CDKN1B: variants seen among roughly 807,000 people sequenced by gnomAD.
The protein encoded by CDKN1B is cyclin dependent kinase inhibitor 1B.
CDKN1B carries 7 observed loss-of-function variants against 17.1 expected under a neutral mutation model. That is an observed-to-expected ratio of 0.41 (90% CI 0.23 to 0.77). CDKN1B has a LOEUF of 0.77. Ranked by LOEUF, CDKN1B falls within the 30% of genes least tolerant of loss-of-function variation. CDKN1B has a pLI of 0.33. For synonymous variants in CDKN1B, 149 were observed against 104.3 expected, an observed-to-expected ratio of 1.43 and a Z score of -2.61; for missense variants, 337 against 262.0, an observed-to-expected ratio of 1.29 and a Z score of -1.98.
chr12:12,717,591 C>G lies in CDKN1B; in HGVS notation c.-249C>G, dbSNP rs1417873398. On this transcript the variant is annotated 5_prime_UTR_variant, in exon 1 of 3. Transcript: ENST00000228872. ...ACCCTCTCCGCTTGCCTGGTCCCCT[C>G]TCCTCTCCGCCCTCCCGCTCGCCAG... The G allele has an allele frequency of 1.4e-6, 2 of 1,432,292 alleles. No homozygotes were observed. Among genetic ancestry groups the G allele is most frequent in the Non-Finnish European group, 1.8e-6 (2 of 1,099,210 alleles). 88.7% of individuals were successfully genotyped at this position (1,432,292 alleles called of 1,614,324 possible).
rs1239715599 is a variant in CDKN1B at position 12,721,431 on chromosome 12, T to G, written c.*404T>G. 2.7e-6 allele frequency: 1 copy of G among 373,592 alleles called. No individual in the cohort carries two copies. Among genetic ancestry groups the G allele is most frequent in the African/African-American group, 2.1e-5 (1 of 48,126 alleles). The allele number at this position is 373,592 out of a possible 1,614,324, so 23.1% of individuals were successfully genotyped here. A position where few individuals can be genotyped will look rare whatever the true frequency, so the allele number is the denominator to read the frequency against. On this transcript the variant is annotated 3_prime_UTR_variant, in exon 3 of 3. Coordinates refer to ENST00000228872, the MANE Select transcript of CDKN1B (RefSeq NM_004064.5). ...TTTGACTTGCATGAAGAGAAGCAAT[T>G]TTGGGGAAGGGTTTGAATTGTTTTC...
rs2136355548 is a variant in CDKN1B, at chr12:12,717,941, C to T, written c.102C>T (p.Gly34=). 4 of 1,614,230 alleles carry T rather than the reference C, an allele frequency of 2.5e-6. No individual in the cohort carries two copies. Among genetic ancestry groups the T allele is most frequent in the Non-Finnish European group, 3.4e-6 (4 of 1,180,042 alleles). ...CCTCGGCCTGCAGGAACCTCTTCGG[C>T]CCGGTGGACCACGAAGAGTTAACCC... ...PKPSACRNLF[G]PVDHEELTRD... The change falls in exon 1 of 3, where the codon GGC becomes GGT. Residue 34 remains glycine (G), a synonymous_variant. Transcript: ENST00000228872.
Position 12,717,792 on chromosome 12 carries a change from G to T in CDKN1B, c.-48G>T, listed in dbSNP as rs750482284. The T allele has an allele frequency of 4.4e-6, 7 of 1,605,996 alleles. No individual in the cohort carries two copies. Among genetic ancestry groups the T allele is most frequent in the South Asian group, 1.1e-5 (1 of 90,912 alleles). ...GGGGCGCTTTGTTTTGTTCGGTTTT[G>T]TTTTTTTGAGAGTGCGAGAGAGGCG... is the stretch of plus-strand genomic sequence containing the variant. On this transcript the variant is annotated 5_prime_UTR_variant, in exon 1 of 3. Coordinates refer to ENST00000228872, the MANE Select transcript of CDKN1B (RefSeq NM_004064.5).
At position 12,717,665 on chromosome 12, in the gene CDKN1B, G is replaced by T. The variant is rs1396254378; in HGVS notation, c.-175G>T. ...GCGGCCGGGCCGGGGCTTCCCCGCA[G>T]CCCCTGCGCGCTCCTAGAGCTCGGG... On this transcript the variant is annotated 5_prime_UTR_variant, in exon 1 of 3. Transcript: ENST00000228872. 6 of 1,498,454 alleles carry T rather than the reference G, an allele frequency of 4.0e-6. No individual in the cohort carries two copies. In the African/African-American group the frequency reaches 8.4e-5, roughly 21 times the overall value. 92.8% of individuals were successfully genotyped at this position (1,498,454 alleles called of 1,614,324 possible). A position where few individuals can be genotyped will look rare whatever the true frequency, so the allele number is the denominator to read the frequency against.
Position 12,718,326 on chromosome 12 carries a change from T to A in CDKN1B, c.475+12T>A, listed in dbSNP as rs1565419710. 1.3e-6 allele frequency: 2 copies of A among 1,598,176 alleles called. No homozygotes were observed. The highest frequency in any genetic ancestry group is 4.5e-5 in the East Asian group (2 of 44,830). On this transcript the variant is annotated intron_variant, in intron 1 of 2. Transcript: ENST00000228872. ...ACCTGCAACCGACGGTAATGACCCT[T>A]TCCCAACCATAGAATGTGTTTGGGG... is the stretch of plus-strand genomic sequence containing the variant.
intron 1 of CDKN1B, 26 bp downstream of exon 1, chr12:12,718,340 A>C (rs1052112512): frequency 6.3e-7 from 1 of 1,588,590 alleles, no homozygotes; most frequent in Non-Finnish European, 8.5e-7. Context: ...CAACCATAGA[A>C]TGTGTTTGGG....
At chr12:12,718,608 C>T (rs550527977) in intron 1 of CDKN1B, among the ~76,000 whole-genome samples, 1 of 152,296 alleles carries the variant, frequency 6.6e-6, no homozygotes, top group East Asian at 1.9e-4. Flanking sequence ...GGTCCGCCTC[C>T]TGGCTAGGGA....
At position 12,721,360 on chromosome 12, in the gene CDKN1B, G is replaced by C. The variant is rs1279776750; in HGVS notation, c.*333G>C. Reference sequence around the variant, plus strand: ...GGTGGGGCTGAGGAACTGACGTGGAGCGGGGTATGAAGAGCTTGCTTTGAT... The same window carrying C: ...GGTGGGGCTGAGGAACTGACGTGGACCGGGGTATGAAGAGCTTGCTTTGAT... On this transcript the variant is annotated 3_prime_UTR_variant, in exon 3 of 3. Coordinates refer to ENST00000228872, the MANE Select transcript of CDKN1B (RefSeq NM_004064.5). 3 of 460,456 alleles carry C rather than the reference G, an allele frequency of 6.5e-6. No individual in the cohort carries two copies. The highest frequency in any genetic ancestry group is 5.1e-5 in the South Asian group (1 of 19,452). 28.5% of individuals were successfully genotyped at this position (460,456 alleles called of 1,614,324 possible).
rs543122580 is a variant in CDKN1B, at chr12:12,717,994, T to G, written c.155T>G (p.Met52Arg). The G allele has an allele frequency of 5.7e-5, 92 of 1,614,076 alleles. No individual in the cohort carries two copies. The African/African-American group carries it at 1.1e-3, about 19-fold the overall frequency. ...TRDLEKHCRD[M>R]EEASQRKWNF... ...GACTTGGAGAAGCACTGCAGAGACA[T>G]GGAAGAGGCGAGCCAGCGCAAGTGG... The change falls in exon 1 of 3, where the codon ATG (methionine) becomes AGG (arginine). Residue 52 changes from methionine to arginine, a missense_variant. Transcript: ENST00000228872.
chr12:12,718,479 G>C (rs1173696363), intron 1 of CDKN1B, among the ~76,000 whole-genome samples, 165 bp downstream of exon 1: 1 of 152,124 alleles, frequency 6.6e-6, no homozygotes, highest in Non-Finnish European at 1.5e-5. Context: ...TTGTCTGTTT[G>C]TGACTTTTAA....
chr12:12,719,509 T>A (rs1002106899), intron 2 of CDKN1B: 6 of 153,124 alleles, frequency 3.9e-5, no homozygotes, highest in African/African-American at 1.4e-4. Flanking sequence ...TCACTTTCCC[T>A]GTTGTCTCCT....
Position 12,721,910 on chromosome 12 carries a change from C to A in CDKN1B, c.*883C>A, listed in dbSNP as rs1419401419. On this transcript the variant is annotated 3_prime_UTR_variant, in exon 3 of 3. Transcript: ENST00000228872. ...ATTTTTAAAGATCTGTAAGTAACTT[C>A]ACATTAAAAAATGAAATATTTTTTA... is the stretch of plus-strand genomic sequence containing the variant. 1 of 152,180 alleles carries A rather than the reference C, an allele frequency of 6.6e-6. No individual in the cohort carries two copies. The highest frequency in any genetic ancestry group is 1.5e-5 in the Non-Finnish European group (1 of 68,034). The allele number at this position is 152,180 out of a possible 1,614,324, so 9.4% of individuals were successfully genotyped here.
At chr12:12,718,789 T>G (rs762602295) in intron 1 of CDKN1B, 36 bp from the exon 2 acceptor site, 2 of 1,612,820 alleles carry the variant, frequency 1.2e-6, no homozygotes, top group East Asian at 2.2e-5. Context: ...CTAATAAAGA[T>G]TGTGTGTTCT....
chr12:12,718,798 C>A, intron 1 of CDKN1B, 27 bp from the exon 2 acceptor site: 1 of 1,613,612 alleles, frequency 6.2e-7, no homozygotes, highest in Non-Finnish European at 8.5e-7. Context: ...ATTGTGTGTT[C>A]TTTTTAAAAA....
Position 12,717,711 on chromosome 12 carries a change from T to C in CDKN1B, c.-129T>C. 2.6e-6 allele frequency: 4 copies of C among 1,555,996 alleles called. No homozygotes were observed. Among genetic ancestry groups the C allele is most frequent in the Non-Finnish European group, 3.4e-6 (4 of 1,160,636 alleles). On this transcript the variant is annotated 5_prime_UTR_variant, in exon 1 of 3. Transcript: ENST00000228872. ...TCGGGCCGTGGCTCGTCGGGGTCTG[T>C]GTCTTTTGGCTCCGAGGGCAGTCGC...
At position 12,717,974 on chromosome 12, in the gene CDKN1B, G is replaced by A. The variant is rs2136355617; in HGVS notation, c.135G>A (p.Leu45=). The change falls in exon 1 of 3, where the codon TTG becomes TTA. Residue 45 remains leucine (L), a synonymous_variant. Coordinates refer to ENST00000228872, the MANE Select transcript of CDKN1B (RefSeq NM_004064.5). ...PVDHEELTRD[L]EKHCRDMEEA... ...ACCACGAAGAGTTAACCCGGGACTTGGAGAAGCACTGCAGAGACATGGAAG... is the reference window on the plus strand; with the variant it reads ...ACCACGAAGAGTTAACCCGGGACTTAGAGAAGCACTGCAGAGACATGGAAG... 2 of 1,614,228 alleles carry A rather than the reference G, an allele frequency of 1.2e-6. No individual in the cohort carries two copies. Among genetic ancestry groups the A allele is most frequent in the Non-Finnish European group, 1.7e-6 (2 of 1,180,050 alleles).
Position 12,721,035 on chromosome 12 carries a change from GAATT to G in CDKN1B, c.*11_*14del, listed in dbSNP as rs760420105. On this transcript the variant is annotated splice_region_variant and 3_prime_UTR_variant, in exon 3 of 3. Transcript: ENST00000228872. ...TTCTTCCGTTTTGTTTTCTTTTGCA[GAATT>G]AAGAATATGTTTCCTTGTTTATCAG... 1 of 702,202 alleles carries G rather than the reference GAATT, an allele frequency of 1.4e-6. No individual in the cohort carries two copies. Among genetic ancestry groups the G allele is most frequent in the Non-Finnish European group, 2.6e-6 (1 of 381,570 alleles). 43.5% of individuals were successfully genotyped at this position (702,202 alleles called of 1,614,324 possible). A position where few individuals can be genotyped will look rare whatever the true frequency, so the allele number is the denominator to read the frequency against.
In CDKN1B at chr12:12,718,944, T is replaced by C; in HGVS notation, c.595T>C (p.Ter199GlnextTer60). 1 of 1,613,944 alleles carries C rather than the reference T, an allele frequency of 6.2e-7. No homozygotes were observed. The highest frequency in any genetic ancestry group is 8.5e-7 in the Non-Finnish European group (1 of 1,180,022). The change falls in exon 2 of 3, where the codon TAA becomes CAA. Residue 199 changes from the stop codon to glutamine (Q), a stop_lost. Transcript: ENST00000228872. Reference protein sequence around the residue: ...KKPGLRRRQT* With the variant: ...KKPGLRRRQTQ ...GCCTGGCCTCAGAAGACGTCAAACG[T>C]AAACAGCTCGGTGGGTTGATCACTA...
In CDKN1B at chr12:12,721,122, T is replaced by C; in HGVS notation, c.*95T>C. 2.6e-6 allele frequency: 2 copies of C among 774,226 alleles called. No homozygotes were observed. The highest frequency in any genetic ancestry group is 2.4e-6 in the Non-Finnish European group (1 of 415,364). 48.0% of individuals were successfully genotyped at this position (774,226 alleles called of 1,614,324 possible). On this transcript the variant is annotated 3_prime_UTR_variant, in exon 3 of 3. Coordinates refer to ENST00000228872, the MANE Select transcript of CDKN1B (RefSeq NM_004064.5). ...TACATGAAAATTTTAAAAATACATA[T>C]CGCTGACTTCATGGAATGGACATCC...
Sources: gnomAD v4.1 joint callset for allele counts (sites outside exome capture counted in the v4.1 genomes callset) on GRCh38, gnomAD v4.1.1 for gene constraint, MANE v1.5 for transcripts, NCBI Gene and HGNC (gene_info 2026-07-23, HGNC 2026-07-21) for gene names.